Variants in MTMR14 observed in about 807,000 individuals in gnomAD.
The protein encoded by MTMR14 is phosphatidylinositol-3,5-bisphosphate 3-phosphatase MTMR14.
Under a neutral mutation model 86.3 loss-of-function variants are expected in MTMR14, and 48 were observed. That is an observed-to-expected ratio of 0.56 (90% CI 0.44 to 0.71). The LOEUF (loss-of-function observed/expected upper bound fraction) is 0.71. MTMR14 is among the 30% of genes least tolerant of loss of function. The pLI, the probability that MTMR14 is intolerant of heterozygous loss-of-function variation, is 0.00. For synonymous variants in MTMR14, 366 were observed against 326.1 expected, an observed-to-expected ratio of 1.12 and a Z score of -1.32; for missense variants, 780 against 834.6, an observed-to-expected ratio of 0.93 and a Z score of 0.81.
rs143167153 is a variant in MTMR14, at chr3:9,676,839, C to T, written c.752-478C>T. 5.4e-3 allele frequency among the ~76,000 whole-genome samples: 828 copies of T among 152,296 alleles called. 3 individuals are homozygous for T. The highest frequency in any genetic ancestry group is 0.018 in the African/African-American group (740 of 41,556). On this transcript the variant is annotated intron_variant, in intron 7 of 18. Coordinates refer to ENST00000296003, the MANE Select transcript of MTMR14 (RefSeq NM_001077525.3). ...TTTTAGGCACTGTCCGTGGGCCTTT[C>T]CAGTATGTTAGGATGTTCAGTCTTC...
intron 18 of MTMR14, among the ~76,000 whole-genome samples, chr3:9,698,654 C>T (rs1028341226): frequency 3.9e-5 from 6 of 152,170 alleles, no homozygotes; most frequent in South Asian, 2.1e-4. Context: ...AGGTGGGAGG[C>T]AGGGTGCCTT....
intron 9 of MTMR14, among the ~76,000 whole-genome samples, chr3:9,680,225 A>G (rs1385027797): frequency 1.3e-5 from 2 of 152,240 alleles, no homozygotes; most frequent in East Asian, 1.9e-4. Flanking sequence ...CACCACATCC[A>G]TCACCAGCTC....
At chr3:9,697,661 A>ATCCTCT (rs1233931650) in intron 17 of MTMR14, 50 bp from the exon 18 acceptor site, 1 of 1,595,240 alleles carries the variant, frequency 6.3e-7, no homozygotes, top group South Asian at 1.1e-5. Flanking sequence ...AGCCTGTGTC[A>ATCCTCT]GGCATATGAC....
chr3:9,688,845 G>GTTTT, intron 15 of MTMR14, 91 bp downstream of exon 15: 6 of 1,374,304 alleles, frequency 4.4e-6, no homozygotes, highest in South Asian at 2.4e-5. Context: ...GAGGTTTTTT[G>GTTTT]TTTTTTTTTT....
At chr3:9,685,806 C>T (rs1018159601) in intron 13 of MTMR14, among the ~76,000 whole-genome samples, 9 of 152,130 alleles carry the variant, frequency 5.9e-5, no homozygotes, top group South Asian at 2.1e-4. Flanking sequence ...CCCATCCTGT[C>T]GGCCACTCTC....
rs777526812 is a variant in MTMR14 at position 9,683,176 on chromosome 3, A to G, written c.898-2A>G. On this transcript the variant is annotated splice_acceptor_variant, in intron 9 of 18. Coordinates refer to ENST00000296003, the MANE Select transcript of MTMR14 (RefSeq NM_001077525.3). LOFTEE classifies it high-confidence loss of function. ...CCATTTCTTCTCACTTTTCTCCAAC[A>G]GTGTTGGGATCTGGTGCAACAAACA... 26 of 1,613,786 alleles carry G rather than the reference A, an allele frequency of 1.6e-5. No individual in the cohort carries two copies. Among genetic ancestry groups the G allele is most frequent in the Non-Finnish European group, 2.1e-5 (25 of 1,179,804 alleles).
intron 7 of MTMR14, 79 bp downstream of exon 7, chr3:9,672,837 T>TA (rs2048649266): frequency 7.4e-7 from 1 of 1,342,330 alleles, no homozygotes; most frequent in Non-Finnish European, 1.1e-6. Flanking sequence ...TCTACTTAGT[T>TA]ACACTGGCGC....
chr3:9,687,942 G>A, intron 14 of MTMR14, 51 bp downstream of exon 14: 1 of 1,472,790 alleles, frequency 6.8e-7, no homozygotes, highest in Non-Finnish European at 9.3e-7. Context: ...TCTGAGAAGG[G>A]CTGCTCCCTG....
Position 9,688,955 on chromosome 3 carries a change from C to G in MTMR14, c.1306C>G (p.Arg436Gly). The G allele has an allele frequency of 1.9e-6, 3 of 1,613,978 alleles. No individual in the cohort carries two copies. The highest frequency in any genetic ancestry group is 2.5e-6 in the Non-Finnish European group (3 of 1,180,012). ...EDICMLRRKD[R>G]GSTTSLGSDF... is the part of the protein sequence containing the mutation. Reference sequence around the variant, plus strand: ...CTGGCTTCTTTTAGGACGAAAGGACCGTGGCAGCACCACCAGCCTTGGCAG... The same window carrying G: ...CTGGCTTCTTTTAGGACGAAAGGACGGTGGCAGCACCACCAGCCTTGGCAG... The change falls in exon 16 of 19, where the codon CGT becomes GGT. Residue 436 changes from arginine (R) to glycine (G), a missense_variant. Physicochemically the swap from Arg to Gly is moderately radical, Grantham distance 125 (BLOSUM62 -2). Transcript: ENST00000296003.
At chr3:9,688,909 G>T (rs1260313977) in intron 15 of MTMR14, 35 bp from the exon 16 acceptor site, 1 of 1,613,748 alleles carries the variant, frequency 6.2e-7, no homozygotes, top group African/African-American at 1.3e-5. Context: ...GTGGGAGAAG[G>T]TAACACGCTG....
intron 2 of MTMR14, among the ~76,000 whole-genome samples, chr3:9,657,581 G>A (rs1213707037): frequency 1.3e-5 from 2 of 150,920 alleles, no homozygotes; most frequent in African/African-American, 4.9e-5. Flanking sequence ...GAGTCTTGCT[G>A]TGTCGCTGAG....
intron 9 of MTMR14, among the ~76,000 whole-genome samples, chr3:9,682,954 C>G (rs894204842): frequency 1.3e-5 from 2 of 152,036 alleles, no homozygotes; most frequent in Non-Finnish European, 2.9e-5. Context: ...GCCCCCGCCC[C>G]CCGAGTAGGG....
At chr3:9,655,338 G>C (rs974747389) in intron 2 of MTMR14, among the ~76,000 whole-genome samples, 5 of 151,450 alleles carry the variant, frequency 3.3e-5, no homozygotes, top group Non-Finnish European at 5.9e-5. Context: ...CTGCACTCCA[G>C]CCTGGGCAAC....
rs1330285422 is a variant in MTMR14 at position 9,668,739 on chromosome 3, A to C, written c.438A>C (p.Thr146=). Residue 146 remains threonine, a synonymous_variant, in exon 4 of 19, where the codon ACA becomes ACC. Transcript: ENST00000296003. ...FKGKHICRSA[T]LAGWGELYGR... ...CCCAGCACATTTGCAGGTCGGCCACACTGGCTGGATGGGGAGAGCTGTATG... is the reference window on the plus strand; with the variant it reads ...CCCAGCACATTTGCAGGTCGGCCACCCTGGCTGGATGGGGAGAGCTGTATG... The C allele has an allele frequency of 6.2e-7, 1 of 1,614,192 alleles. No homozygotes were observed. Among genetic ancestry groups the C allele is most frequent in the East Asian group, 2.2e-5 (1 of 44,894 alleles).
chr3:9,700,849 C>G (rs1227936786), intron 18 of MTMR14: 1 of 150,038 alleles, frequency 6.7e-6, no homozygotes, highest in Non-Finnish European at 1.5e-5. Flanking sequence ...GACACAGTCT[C>G]ACTCTGTTGC....
At chr3:9,654,696 A>G (rs1439068502) in intron 2 of MTMR14, among the ~76,000 whole-genome samples, 1 of 152,242 alleles carries the variant, frequency 6.6e-6, no homozygotes, top group Non-Finnish European at 1.5e-5. Flanking sequence ...GGAGTACCGC[A>G]GCAGTCATGC....
At chr3:9,669,134 C>T (rs1159206721) in intron 4 of MTMR14, among the ~76,000 whole-genome samples, 25 of 147,326 alleles carry the variant, frequency 1.7e-4, no homozygotes, top group East Asian at 6.0e-4. Context: ...AGTGAGACTC[C>T]GTCTCAAAAA....
intron 1 of MTMR14, among the ~76,000 whole-genome samples, chr3:9,651,051 A>G (rs1574908299): frequency 6.6e-6 from 1 of 151,800 alleles, no homozygotes; most frequent in Non-Finnish European, 1.5e-5. Context: ...CAGCCTCCCA[A>G]AGTGCTGGGA....
intron 18 of MTMR14, among the ~76,000 whole-genome samples, chr3:9,699,029 G>A (rs1164282032): frequency 6.6e-6 from 1 of 152,032 alleles, no homozygotes; most frequent in Admixed American, 6.6e-5. Flanking sequence ...TTAGCTGGGC[G>A]AGGTGGTGAA....
Sources: allele counts gnomAD v4.1 joint callset (sites outside exome capture counted in the v4.1 genomes callset), GRCh38; gene constraint gnomAD v4.1.1; transcripts MANE v1.5; gene names NCBI Gene and HGNC (gene_info 2026-07-23, HGNC 2026-07-21).